The following KALRN variants were observed in gnomAD, a reference collection of about 807,000 sequenced individuals.
KALRN encodes kalirin.
Under a neutral mutation model 353.7 loss-of-function variants are expected in KALRN, and 70 were observed. The observed-to-expected ratio is 0.20, with a 90% CI of 0.16 to 0.24. The LOEUF (loss-of-function observed/expected upper bound fraction) is 0.24, where lower values mean the gene tolerates loss of function less well. Among genes scored for constraint, KALRN ranks in the 10% least tolerant of loss-of-function variants. KALRN has a pLI of 1.00. For synonymous variants in KALRN, 1,391 were observed against 1,434.8 expected, an observed-to-expected ratio of 0.97 and a Z score of 0.69; for missense variants, 2,791 against 3,756.7, an observed-to-expected ratio of 0.74 and a Z score of 6.72.
At chr3:124,555,593 G>T (rs59478210) in intron 33 of KALRN, among the ~76,000 whole-genome samples, 9,983 of 151,942 alleles carry the variant, frequency 0.066, 1,066 homozygotes, top group African/African-American at 0.22. Context: ...TAAAGGGCAA[G>T]ATAAATTTGG....
intron 49 of KALRN, among the ~76,000 whole-genome samples, chr3:124,676,680 A>G (rs948695151): frequency 2.6e-5 from 4 of 152,228 alleles, no homozygotes; most frequent in African/African-American, 9.6e-5. Context: ...ACACACACAT[A>G]CACAACGTGC....
intron 53 of KALRN, among the ~76,000 whole-genome samples, 190 bp downstream of exon 53, chr3:124,694,693 A>C (rs1429824963): frequency 1.3e-5 from 2 of 152,204 alleles, no homozygotes; most frequent in Admixed American, 1.3e-4. Context: ...TGTTAGTCAG[A>C]GCCTCTGCCA....
At position 124,279,714 on chromosome 3, in the gene KALRN, G is replaced by A. The variant is rs554920495; in HGVS notation, c.969+10459G>A. Among the ~76,000 whole-genome samples, 39 of 152,342 alleles carry A rather than the reference G, an allele frequency of 2.6e-4. No homozygotes were observed. The South Asian group carries it at 6.4e-3, about 25-fold the overall frequency. The stretch of plus-strand genomic sequence containing the variant: ...ACTTGCTGAAGATAAGCCAATCACT[G>A]TGCCGAGTACTGTGCCAGGGATGGG... On this transcript the variant is annotated intron_variant, in intron 5 of 59. Transcript: ENST00000682506.
intron 51 of KALRN, among the ~76,000 whole-genome samples, chr3:124,683,081 TG>T (rs2061411520): frequency 6.7e-6 from 1 of 148,310 alleles, no homozygotes; most frequent in Non-Finnish European, 1.5e-5. Flanking sequence ...AACTTTGGGG[TG>T]GGGGTGAAAG....
intron 9 of KALRN, among the ~76,000 whole-genome samples, chr3:124,340,767 C>A (rs905554159): frequency 6.6e-6 from 1 of 152,130 alleles, no homozygotes; most frequent in Non-Finnish European, 1.5e-5. Flanking sequence ...CCAGCCTGGC[C>A]AACATGGCAA....
intron 51 of KALRN, among the ~76,000 whole-genome samples, chr3:124,693,088 G>A (rs2061896484): frequency 1.3e-5 from 2 of 152,236 alleles, no homozygotes; most frequent in African/African-American, 4.8e-5. Context: ...TGTGACCAGA[G>A]TTAGTCGGCT....
intron 4 of KALRN, among the ~76,000 whole-genome samples, chr3:124,265,295 A>ATTATTTTTTTTTTT (rs1465968614): frequency 1.6e-5 from 1 of 61,094 alleles, no homozygotes; most frequent in African/African-American, 6.4e-5. Flanking sequence ...TTAAGAAAAT[A>ATTATTTTTTTTTTT]TTCTTTTTTT....
rs77876931 is a variant in KALRN at position 124,211,852 on chromosome 3, C to T, written c.74-16138C>T. Among the ~76,000 whole-genome samples the T allele has an allele frequency of 1.2e-3, 183 of 152,232 alleles. 3 individuals are homozygous for T. In the East Asian group the frequency reaches 0.029, roughly 24 times the overall value. ...TGTGGTACCTCTATTGACTGAAAAG[C>T]ATAGGGCCATCTCTGGGGATAGAAA... On this transcript the variant is annotated intron_variant, in intron 1 of 59. Transcript: ENST00000682506.
intron 33 of KALRN, among the ~76,000 whole-genome samples, chr3:124,518,077 C>T (rs1203838449): frequency 1.3e-5 from 2 of 152,124 alleles, no homozygotes; most frequent in African/African-American, 2.4e-5. Context: ...GGTCTACAGG[C>T]GTCTAATGGG....
chr3:124,056,719 G>C (rs1577638357), intron 1 of KALRN, among the ~76,000 whole-genome samples: 1 of 152,160 alleles, frequency 6.6e-6, no homozygotes, highest in Admixed American at 6.5e-5. Flanking sequence ...CTAGCTATTA[G>C]AAATCCAGCC....
At chr3:124,688,156 G>GA (rs1200601340) in intron 51 of KALRN, among the ~76,000 whole-genome samples, 2 of 151,880 alleles carry the variant, frequency 1.3e-5, no homozygotes, top group African/African-American at 2.4e-5. Context: ...ATAAAGAATA[G>GA]AAAAAATTAG....
At chr3:124,668,491 A>G (rs1371074611) in intron 47 of KALRN, among the ~76,000 whole-genome samples, 2 of 152,212 alleles carry the variant, frequency 1.3e-5, no homozygotes, top group Non-Finnish European at 2.9e-5. Flanking sequence ...TCCCTACAAT[A>G]TCAGTTTCCC....
chr3:124,183,308 G>C (rs1399703682), intron 1 of KALRN, among the ~76,000 whole-genome samples: 1 of 152,182 alleles, frequency 6.6e-6, no homozygotes, highest in Non-Finnish European at 1.5e-5. Context: ...CACAGTGCTA[G>C]CATCTGCTTC....
At chr3:124,078,209 G>A (rs1397776582) in intron 1 of KALRN, among the ~76,000 whole-genome samples, 2 of 152,062 alleles carry the variant, frequency 1.3e-5, no homozygotes, top group African/African-American at 2.4e-5. Flanking sequence ...AGGTATTTGT[G>A]TACTTGTCTT....
At chr3:124,457,450 A>G (rs561328840) in intron 23 of KALRN, among the ~76,000 whole-genome samples, 29 of 152,134 alleles carry the variant, frequency 1.9e-4, no homozygotes, top group Non-Finnish European at 3.7e-4. Flanking sequence ...AAAACTTCCC[A>G]TAGCTTTCCT....
In KALRN at chr3:124,517,019, T is replaced by C. The variant is rs377523043; in HGVS notation, c.4935+20606T>C. Among the ~76,000 whole-genome samples the C allele has an allele frequency of 3.1e-3, 468 of 152,272 alleles. 2 individuals carry two copies. Among genetic ancestry groups the C allele is most frequent in the South Asian group, 0.014 (68 of 4,828 alleles). ...TTTTAGTAGAGACGGGGTTTCACTG[T>C]GTTGGCCAGGTTAGTCTCGAACGCC... On this transcript the variant is annotated intron_variant, in intron 33 of 59. Transcript: ENST00000682506.
chr3:124,707,264 G>C (rs1452591440), intron 57 of KALRN, among the ~76,000 whole-genome samples: 1 of 152,058 alleles, frequency 6.6e-6, no homozygotes, highest in African/African-American at 2.4e-5. Context: ...GATTGCTTGA[G>C]CCTGGGAGGT....
Position 124,264,570 on chromosome 3 carries a change from C to A in KALRN, c.336C>A (p.Pro112=). ...GCTCCAAGTGGGACCTCATCAAGCC[C>A]CTCCTCAAAACGCTGCAGGAAGCCT... ...MRGSKWDLIK[P]LLKTLQEAFP... Residue 112 remains proline (P), a synonymous_variant, in exon 4 of 60, where the codon CCC becomes CCA. Transcript: ENST00000682506. 6.2e-7 allele frequency: 1 copy of A among 1,614,174 alleles called. No individual in the cohort carries two copies.
chr3:124,481,912 A>G (rs992531046), intron 27 of KALRN, among the ~76,000 whole-genome samples: 3 of 152,122 alleles, frequency 2.0e-5, no homozygotes, highest in Non-Finnish European at 4.4e-5. Flanking sequence ...GTTGATCTCT[A>G]GTTCATGTGC....
Sources: gnomAD v4.1 joint callset for allele counts (sites outside exome capture counted in the v4.1 genomes callset) on GRCh38, gnomAD v4.1.1 for gene constraint, MANE v1.5 for transcripts, NCBI Gene and HGNC (gene_info 2026-07-23, HGNC 2026-07-21) for gene names.